Variants in ZFAT observed in about 807,000 individuals in gnomAD.
ZFAT encodes the protein zinc finger and AT-hook domain containing.
In ZFAT, 64 loss-of-function variants were observed where a neutral mutation model predicts 117.7. That is an observed-to-expected ratio of 0.54 (90% confidence interval 0.44 to 0.67). The LOEUF (loss-of-function observed/expected upper bound fraction) is 0.67, where lower values mean the gene tolerates loss of function less well. ZFAT is among the 30% of genes least tolerant of loss of function. ZFAT has a pLI of 0.00. For synonymous variants in ZFAT, 679 were observed against 615.0 expected (o/e 1.10, Z -1.54); for missense variants, 1,433 against 1,584.5 (o/e 0.90, Z 1.62).
intron 7 of ZFAT, chr8:134,598,291 A>C (rs1827117088): frequency 6.6e-6 from 1 of 152,338 alleles, no homozygotes; most frequent in Non-Finnish European, 1.5e-5. Context: ...TTAAGACTGC[A>C]CAAGGAGCTG....
At chr8:134,490,777 C>A (rs2130130190) in intron 15 of ZFAT, among the ~76,000 whole-genome samples, 1 of 152,258 alleles carries the variant, frequency 6.6e-6, no homozygotes, top group Middle Eastern at 3.4e-3. Context: ...GTCCATAAAG[C>A]AGGAATTCTC....
At chr8:134,828,015 A>G in the ZFAT span, among the ~76,000 whole-genome samples, 2 of 152,204 alleles carry the variant, frequency 1.3e-5, no homozygotes, top group Non-Finnish European at 2.9e-5. Flanking sequence ...AAACTGCAGT[A>G]GTATACTCAC....
At chr8:134,795,493 A>T in the ZFAT span, 8 of 152,258 alleles carry the variant, frequency 5.3e-5, no homozygotes, top group Non-Finnish European at 7.3e-5. Flanking sequence ...GTGTGTGCAC[A>T]GGAGTCATAC....
chr8:134,652,925 A>T (rs1007967420), intron 2 of ZFAT, among the ~76,000 whole-genome samples: 2 of 152,216 alleles, frequency 1.3e-5, no homozygotes, highest in Non-Finnish European at 1.5e-5. Context: ...GAATATAGCC[A>T]ACGTGAATGC....
rs780628538 is a variant in ZFAT, at chr8:134,478,590, C to T, written c.3624G>A (p.Val1208=). 4.4e-6 allele frequency: 7 copies of T among 1,593,538 alleles called. No homozygotes were observed. The Admixed American group carries it at 1.0e-4, about 24-fold the overall frequency. The part of the protein sequence containing the change: ...SSDDVEGIET[V]TVYTQGGEAS... ...CCTCCCCGCCCTGCGTGTAGACAGTCACCGTCTCAATGCCCTCCACGTCGT... is the reference window on the plus strand; with the variant it reads ...CCTCCCCGCCCTGCGTGTAGACAGTTACCGTCTCAATGCCCTCCACGTCGT... Residue 1208 remains valine, a synonymous_variant, in exon 16 of 16, where the codon GTG becomes GTA. Coordinates refer to ENST00000377838, the MANE Select transcript of ZFAT (RefSeq NM_020863.4). The surrounding 1 kb of genome is among the most constrained non-coding windows in gnomAD (Gnocchi z 5.2).
the ZFAT span, among the ~76,000 whole-genome samples, chr8:134,789,783 A>T: frequency 7.2e-5 from 11 of 152,214 alleles, no homozygotes; most frequent in Admixed American, 4.6e-4. Context: ...TTCTGGAAGC[A>T]AGTATCATTC....
At chr8:134,814,007 C>G in the ZFAT span, among the ~76,000 whole-genome samples, 1 of 152,018 alleles carries the variant, frequency 6.6e-6, no homozygotes, top group South Asian at 2.1e-4. Context: ...AACTTTATAA[C>G]ACAGAATCAA....
chr8:134,612,025 C>T (rs375027551), intron 3 of ZFAT, among the ~76,000 whole-genome samples: 21 of 152,318 alleles, frequency 1.4e-4, no homozygotes, highest in African/African-American at 4.8e-4. Flanking sequence ...TATTTGAGAG[C>T]CATCTCTTGA....
chr8:134,773,986 T>TC, the ZFAT span, among the ~76,000 whole-genome samples: 1 of 48,838 alleles, frequency 2.0e-5, no homozygotes, highest in South Asian at 8.1e-4. Context: ...GAGGATTAAT[T>TC]TTTTTTTTTT....
chr8:134,615,198 T>C (rs889333846), intron 3 of ZFAT, among the ~76,000 whole-genome samples: 4 of 152,160 alleles, frequency 2.6e-5, no homozygotes, highest in African/African-American at 7.2e-5. Context: ...ACCAGTGCTC[T>C]GGACACTGTC....
intron 5 of ZFAT, among the ~76,000 whole-genome samples, chr8:134,606,884 A>G (rs1306311605): frequency 6.6e-6 from 1 of 152,170 alleles, no homozygotes; most frequent in Non-Finnish European, 1.5e-5. Context: ...ATCATAAATG[A>G]CTTTTTTTCC....
the ZFAT span, among the ~76,000 whole-genome samples, chr8:134,815,704 CTT>C: frequency 6.6e-6 from 1 of 152,164 alleles, no homozygotes; most frequent in Admixed American, 6.5e-5. Flanking sequence ...TGCACTATCT[CTT>C]CTCTCTGCCA....
At chr8:134,742,568 C>T in the ZFAT span, among the ~76,000 whole-genome samples, 6 of 152,206 alleles carry the variant, frequency 3.9e-5, no homozygotes, top group Admixed American at 6.5e-5. Flanking sequence ...AGTGGCAAGA[C>T]TTCCCAGGAC....
chr8:134,660,778 C>A (rs1831886428), intron 1 of ZFAT, among the ~76,000 whole-genome samples: 1 of 152,224 alleles, frequency 6.6e-6, no homozygotes, highest in Non-Finnish European at 1.5e-5. Context: ...TTCAAAGGTA[C>A]ACAAAGCACT....
chr8:134,515,688 T>C, intron 13 of ZFAT, among the ~76,000 whole-genome samples: 1 of 152,216 alleles, frequency 6.6e-6, no homozygotes, highest in East Asian at 1.9e-4. Flanking sequence ...TTAAGTTCCT[T>C]GTAGATTCTG....
chr8:134,639,563 GA>G (rs1554611416), intron 2 of ZFAT, among the ~76,000 whole-genome samples: 2 of 152,190 alleles, frequency 1.3e-5, no homozygotes, highest in East Asian at 3.8e-4. Flanking sequence ...TAAACAAGGA[GA>G]AAAAAGCCTG....
At position 134,494,838 on chromosome 8, in the gene ZFAT, A is replaced by T. The variant is rs137868524; in HGVS notation, c.3492+14781T>A. Reference sequence around the variant, plus strand: ...AGTACATCTAAGAACAGAAAAAGAAACTATCTCTTCTTGTTTTGAGCACCA... The same window carrying T: ...AGTACATCTAAGAACAGAAAAAGAATCTATCTCTTCTTGTTTTGAGCACCA... On this transcript the variant is annotated intron_variant, in intron 15 of 15. Transcript: ENST00000377838. Among the ~76,000 whole-genome samples, 732 of 152,334 alleles carry T rather than the reference A, an allele frequency of 4.8e-3. 4 individuals carry two copies. Among genetic ancestry groups the T allele is most frequent in the African/African-American group, 0.017 (707 of 41,568 alleles).
intron 15 of ZFAT, among the ~76,000 whole-genome samples, chr8:134,502,661 T>C (rs2130289189): frequency 6.6e-6 from 1 of 152,286 alleles, no homozygotes; most frequent in Admixed American, 6.5e-5. Context: ...TAGAAGCAGT[T>C]GGGAGAAGAA....
chr8:134,727,834 T>C, the ZFAT span, among the ~76,000 whole-genome samples: 1 of 152,214 alleles, frequency 6.6e-6, no homozygotes, highest in Non-Finnish European at 1.5e-5. Flanking sequence ...AATAAAAGTT[T>C]ATTTACAGAA....
Sources: gnomAD v4.1 joint callset for allele counts (sites outside exome capture counted in the v4.1 genomes callset) on GRCh38, gnomAD v4.1.1 for gene constraint, Gnocchi (gnomAD v3.1) non-coding constraint, MANE v1.5 for transcripts, NCBI Gene and HGNC (gene_info 2026-07-23, HGNC 2026-07-21) for gene names.